IQCN: variants seen among roughly 807,000 people sequenced by gnomAD.
The protein encoded by IQCN is IQ motif containing N, also known as IQ domain-containing protein N.
A neutral mutation model predicts 64.4 loss-of-function variants in IQCN; 46 were observed. The ratio of observed to expected loss-of-function variants is 0.71; its 90% CI spans 0.56 to 0.91. The LOEUF (loss-of-function observed/expected upper bound fraction) is 0.91, where lower values mean the gene tolerates loss of function less well. Among genes scored for constraint, IQCN ranks in the 40% least tolerant of loss-of-function variants. IQCN has a pLI of 0.00. For missense variants in IQCN, 1,753 were observed against 1,857.4 expected (o/e 0.94, Z 1.03); for synonymous variants, 733 against 775.6 (o/e 0.95, Z 0.91).
Position 18,265,123 on chromosome 19 carries a change from G to GT in IQCN, c.2416_2417insA (p.Pro806HisfsTer22). On this transcript the variant is annotated frameshift_variant, in exon 3 of 4. Coordinates refer to ENST00000392413, the MANE Select transcript of IQCN (RefSeq NM_001145304.2). LOFTEE classifies it high-confidence loss of function. The surrounding 1 kb of genome is among the most constrained non-coding windows in gnomAD (Gnocchi z 4.7). ...CCCCGGCACGTGTCCGTGGGGCTGT[G>GT]GCTGGGTCTGTCTGTCCTCTGGCTT... 3 of 1,605,322 alleles carry GT rather than the reference G, an allele frequency of 1.9e-6. No homozygotes were observed. The highest frequency in any genetic ancestry group is 1.7e-6 in the Non-Finnish European group (2 of 1,179,810).
In IQCN at chr19:18,265,911, G is replaced by A. The variant is rs771503713; in HGVS notation, c.1629C>T (p.Thr543=). The change falls in exon 3 of 4, where the codon ACC becomes ACT. Residue 543 remains threonine, a synonymous_variant. Coordinates refer to ENST00000392413, the MANE Select transcript of IQCN (RefSeq NM_001145304.2). The surrounding 1 kb of genome is among the most constrained non-coding windows in gnomAD (Gnocchi z 4.7). ...GTGGGTTCTCATGGATGGAGCCTGA[G>A]GTGTTGGGAGTTCCGGCTGCTACCG... The part of the protein sequence containing the change: ...QVAVAAGTPN[T]SGSIHENPPK... The A allele has an allele frequency of 6.2e-7, 1 of 1,614,124 alleles. No individual in the cohort carries two copies. The highest frequency in any genetic ancestry group is 8.5e-7 in the Non-Finnish European group (1 of 1,180,056).
rs763964039 is a variant in IQCN at position 18,265,756 on chromosome 19, G to C, written c.1784C>G (p.Ala595Gly). 6.2e-7 allele frequency: 1 copy of C among 1,614,170 alleles called. No individual in the cohort carries two copies. The highest frequency in any genetic ancestry group is 1.1e-5 in the South Asian group (1 of 91,082). The part of the protein sequence containing the change: ...QPHPGTGVPR[A>G]AAELPLEAEK... ...GGCTTCCAAAGGAAGCTCAGCTGCAGCCCTGGGGACCCCAGTTCCCGGATG... is the reference window on the plus strand; with the variant it reads ...GGCTTCCAAAGGAAGCTCAGCTGCACCCCTGGGGACCCCAGTTCCCGGATG... Residue 595 changes from alanine to glycine, a missense_variant, in exon 3 of 4, where the codon GCT becomes GGT. Ala to Gly is a moderately conservative substitution (Grantham distance 60, BLOSUM62 0). Transcript: ENST00000392413. This position sits in a 1 kb window ranked among gnomAD's most constrained non-coding sequence, Gnocchi z 4.7.
chr19:18,257,895 C>T lies in IQCN; in HGVS notation c.3389G>A (p.Arg1130His), dbSNP rs775048704. Residue 1130 changes from arginine to histidine, a missense_variant, in exon 4 of 4, where the codon CGT (arginine) becomes CAT (histidine). Transcript: ENST00000392413. The stretch of plus-strand genomic sequence containing the variant: ...CCGGTGCCACAGCCGGATCCTGCGA[C>T]GCGCCAGGTAGCCACGGACGCCCGC... ...IQAGVRGYLA[R>H]RRIRLWHRGA... The T allele has an allele frequency of 6.2e-6, 10 of 1,612,674 alleles. No homozygotes were observed. The highest frequency in any genetic ancestry group is 2.2e-5 in the South Asian group (2 of 91,086).
chr19:18,267,350 G>C lies in IQCN; in HGVS notation c.190C>G (p.His64Asp), dbSNP rs765150538. 3.7e-6 allele frequency: 6 copies of C among 1,613,956 alleles called. No individual in the cohort carries two copies. The highest frequency in any genetic ancestry group is 5.1e-6 in the Non-Finnish European group (6 of 1,179,894). The part of the protein sequence containing the change: ...PQHEGLKSKE[H>D]LPQQPAEGKT... The stretch of plus-strand genomic sequence containing the variant: ...CCTTCGGCAGGCTGTTGCGGAAGAT[G>C]CTCCTTGGACTTGAGGCCCTCGTGC... Residue 64 changes from histidine to aspartate, a missense_variant, in exon 3 of 4, where the codon CAT becomes GAT. By Grantham distance (81) the His-to-Asp change is moderately conservative (BLOSUM62 -1). Transcript: ENST00000392413.
chr19:18,270,051 T>TAAAAAAAAAAAAAAAAAAAA (rs60981546), intron 1 of IQCN, among the ~76,000 whole-genome samples: 1 of 75,860 alleles, frequency 1.3e-5, no homozygotes, highest in African/African-American at 6.3e-5. Context: ...AACTGTCTCT[T>TAAAAAAAAAAAAAAAAAAAA]AAAAAAAAAA....
intron 3 of IQCN, chr19:18,259,999 C>T (rs1170661810): frequency 1.4e-4 from 22 of 152,410 alleles, no homozygotes; most frequent in Admixed American, 1.4e-3. Flanking sequence ...GATGTGGTCC[C>T]CTGAGACCCA....
chr19:18,268,773 C>A (rs1044139361), intron 2 of IQCN, among the ~76,000 whole-genome samples: 1 of 151,880 alleles, frequency 6.6e-6, no homozygotes, highest in Non-Finnish European at 1.5e-5. Context: ...ACCAGCCTGG[C>A]TAACGTGGTG....
rs752664961 is a variant in IQCN at position 18,266,467 on chromosome 19, G to A, written c.1073C>T (p.Thr358Met). 93 of 1,583,810 alleles carry A rather than the reference G, an allele frequency of 5.9e-5. 1 individual carries two copies. The highest frequency in any genetic ancestry group is 4.5e-5 in the Non-Finnish European group (52 of 1,165,758). The change falls in exon 3 of 4, where the codon ACG becomes ATG. Residue 358 changes from threonine to methionine, a missense_variant. By Grantham distance (81) the Thr-to-Met change is moderately conservative (BLOSUM62 -1). Coordinates refer to ENST00000392413, the MANE Select transcript of IQCN (RefSeq NM_001145304.2). This position sits in a 1 kb window ranked among gnomAD's most constrained non-coding sequence, Gnocchi z 4.3. ...AGTCTTGGGTGGGGTGGTGGTCATC[G>A]TGGACGCTGGATATGTCTGTGGCAG... ...VTLPQTYPASTMTTTPPKTSP... is the reference protein window; with the variant it reads ...VTLPQTYPASMMTTTPPKTSP...
rs1427851900 is a variant in IQCN at position 18,265,348 on chromosome 19, G to A, written c.2192C>T (p.Ser731Phe). 6 of 1,614,158 alleles carry A rather than the reference G, an allele frequency of 3.7e-6. No individual in the cohort carries two copies. The highest frequency in any genetic ancestry group is 1.1e-5 in the South Asian group (1 of 91,084). Reference sequence around the variant, plus strand: ...CAGACAGGTGGCTAGAGGCGCTTGGGACTGGACCTTCACGGCACCTGTGGC... The same window carrying A: ...CAGACAGGTGGCTAGAGGCGCTTGGAACTGGACCTTCACGGCACCTGTGGC... ...HLATGAVKVQ[S>F]QAPLATCLTK... The change falls in exon 3 of 4, where the codon TCC becomes TTC. Residue 731 changes from serine to phenylalanine, a missense_variant. Physicochemically the swap from Ser to Phe is radical, Grantham distance 155 (BLOSUM62 -2). Coordinates refer to ENST00000392413, the MANE Select transcript of IQCN (RefSeq NM_001145304.2). This position sits in a 1 kb window ranked among gnomAD's most constrained non-coding sequence, Gnocchi z 4.7.
At position 18,269,500 on chromosome 19, in the gene IQCN, G is replaced by A. The variant is rs776152932; in HGVS notation, c.-22C>T. ...TCATAGATTTGGAGGAGTAGCAGGA[G>A]AAGAAGGTGCAATCTCAGAAGCCAG... On this transcript the variant is annotated 5_prime_UTR_variant, in exon 2 of 4. Transcript: ENST00000392413. The A allele has an allele frequency of 6.2e-7, 1 of 1,613,698 alleles. No individual in the cohort carries two copies. The highest frequency in any genetic ancestry group is 1.3e-5 in the African/African-American group (1 of 74,910).
intron 2 of IQCN, among the ~76,000 whole-genome samples, chr19:18,268,936 T>C (rs1969670144): frequency 7.9e-6 from 1 of 126,220 alleles, no homozygotes; most frequent in African/African-American, 3.2e-5. Context: ...CACTCCAGCC[T>C]GGGTGACAGA....
chr19:18,262,400 C>G (rs950521580), intron 3 of IQCN: 19 of 152,814 alleles, frequency 1.2e-4, no homozygotes, highest in African/African-American at 4.3e-4. Context: ...TTGGAGACAC[C>G]CCAAAGGCTT....
At position 18,265,155 on chromosome 19, in the gene IQCN, G is replaced by C. The variant is rs774586431; in HGVS notation, c.2385C>G (p.Pro795=). The change falls in exon 3 of 4, where the codon CCC becomes CCG. Residue 795 remains proline, a synonymous_variant. Transcript: ENST00000392413. This position sits in a 1 kb window ranked among gnomAD's most constrained non-coding sequence, Gnocchi z 4.7. ...TCTGTCTGTCCTCTGGCTTGGCCCA[G>C]GGTGGGGCGCTGAGGCCACCGAGGC... ...CQRLGGLSAP[P]WAKPEDRQTQ... is the part of the protein sequence containing the mutation. 2.7e-5 allele frequency: 44 copies of C among 1,607,614 alleles called. No individual in the cohort carries two copies. The highest frequency in any genetic ancestry group is 3.7e-5 in the Non-Finnish European group (44 of 1,179,892).
At chr19:18,270,949 G>T (rs939530099) in intron 1 of IQCN, among the ~76,000 whole-genome samples, 4 of 152,002 alleles carry the variant, frequency 2.6e-5, no homozygotes, top group African/African-American at 9.7e-5. Flanking sequence ...CAAGGCAGGT[G>T]GATCACAAGG....
At position 18,274,241 on chromosome 19, in the gene IQCN, C is replaced by A. The variant is rs1165713285; in HGVS notation, c.-110+162G>T. The stretch of plus-strand genomic sequence containing the variant: ...AAGGAGCTGACCCATCATTTGCAGT[C>A]ACCCAGAAGGCCCAGAAGGGCTCTA... On this transcript the variant is annotated intron_variant, in intron 1 of 3. Coordinates refer to ENST00000392413, the MANE Select transcript of IQCN (RefSeq NM_001145304.2). Among the ~76,000 whole-genome samples, 5 of 152,240 alleles carry A rather than the reference C, an allele frequency of 3.3e-5. No individual in the cohort carries two copies. In the East Asian group the frequency reaches 9.7e-4, roughly 29 times the overall value.
chr19:18,262,956 G>A (rs2148098128), intron 3 of IQCN, among the ~76,000 whole-genome samples: 1 of 152,328 alleles, frequency 6.6e-6, no homozygotes, highest in Admixed American at 6.5e-5. Flanking sequence ...CTTGCCTAAG[G>A]AGAACTTGTG....
Position 18,269,593 on chromosome 19 carries a change from T to C in IQCN, c.-109-6A>G. The C allele has an allele frequency of 1.2e-6, 1 of 835,274 alleles. No homozygotes were observed. The highest frequency in any genetic ancestry group is 1.8e-6 in the Non-Finnish European group (1 of 549,622). The allele number at this position is 835,274 out of a possible 1,614,324, so 51.7% of individuals were successfully genotyped here. On this transcript the variant is annotated splice_polypyrimidine_tract_variant and splice_region_variant and intron_variant, in intron 1 of 3. Transcript: ENST00000392413. ...TGCAGCAACACTGCCCTGGGCTGGCTCAAGACCAACACAAAAAGAAATGTT... is the reference window on the plus strand; with the variant it reads ...TGCAGCAACACTGCCCTGGGCTGGCCCAAGACCAACACAAAAAGAAATGTT...
At position 18,269,512 on chromosome 19, in the gene IQCN, A is replaced by G. The variant is rs763389127; in HGVS notation, c.-34T>C. The stretch of plus-strand genomic sequence containing the variant: ...AGGAGTAGCAGGAGAAGAAGGTGCA[A>G]TCTCAGAAGCCAGCCTGCAAGAGGA... On this transcript the variant is annotated 5_prime_UTR_variant, in exon 2 of 4. Transcript: ENST00000392413. 3.7e-6 allele frequency: 6 copies of G among 1,613,432 alleles called. No homozygotes were observed. Among genetic ancestry groups the G allele is most frequent in the Non-Finnish European group, 5.1e-6 (6 of 1,179,660 alleles).
Position 18,265,341 on chromosome 19 carries a change from C to A in IQCN, c.2199G>T (p.Ala733=). ...TCTTGGTCAGACAGGTGGCTAGAGG[C>A]GCTTGGGACTGGACCTTCACGGCAC... ...ATGAVKVQSQ[A]PLATCLTKTQ... Residue 733 remains alanine, a synonymous_variant, in exon 3 of 4, where the codon GCG becomes GCT. Coordinates refer to ENST00000392413, the MANE Select transcript of IQCN (RefSeq NM_001145304.2). This position sits in a 1 kb window ranked among gnomAD's most constrained non-coding sequence, Gnocchi z 4.7. 19 of 1,614,110 alleles carry A rather than the reference C, an allele frequency of 1.2e-5. No homozygotes were observed. Among genetic ancestry groups the A allele is most frequent in the Non-Finnish European group, 1.6e-5 (19 of 1,180,028 alleles).
Sources: gnomAD v4.1 joint callset for allele counts (sites outside exome capture counted in the v4.1 genomes callset) on GRCh38, gnomAD v4.1.1 for gene constraint, Gnocchi (gnomAD v3.1) non-coding constraint, MANE v1.5 for transcripts, NCBI Gene and HGNC (gene_info 2026-07-23, HGNC 2026-07-21) for gene names.